CEP128: variants seen among roughly 807,000 people sequenced by gnomAD.
CEP128 encodes the protein centrosomal protein 128kDa.
CEP128 carries 132 observed loss-of-function variants against 156.7 expected under a neutral mutation model. The ratio of observed to expected loss-of-function variants is 0.84; its 90% CI spans 0.73 to 0.97. CEP128 has a LOEUF of 0.97. Among genes scored for constraint, CEP128 ranks in the 50% least tolerant of loss-of-function variants. The probability of loss-of-function intolerance (pLI) is 0.00; values close to 1 mark genes in which losing one functional copy is unlikely to be tolerated. For synonymous variants in CEP128, 469 were observed against 448.9 expected, an observed-to-expected ratio of 1.04 and a Z score of -0.57; for missense variants, 1,252 against 1,281.9, an observed-to-expected ratio of 0.98 and a Z score of 0.36.
At chr14:80,675,723 G>T (rs1451500075) in intron 19 of CEP128, among the ~76,000 whole-genome samples, 1 of 152,052 alleles carries the variant, frequency 6.6e-6, no homozygotes, top group African/African-American at 2.4e-5. Context: ...TTGATGAACA[G>T]AAATATTTAA....
intron 21 of CEP128, among the ~76,000 whole-genome samples, chr14:80,545,019 T>C (rs1304653068): frequency 6.6e-6 from 1 of 152,224 alleles, no homozygotes; most frequent in Admixed American, 6.5e-5. Flanking sequence ...TTGACCCTGA[T>C]AGTAGACTGA....
intron 19 of CEP128, among the ~76,000 whole-genome samples, chr14:80,640,115 A>G (rs1242476805): frequency 6.6e-6 from 1 of 152,160 alleles, no homozygotes; most frequent in Non-Finnish European, 1.5e-5. Context: ...AATGTGAAAG[A>G]TCTCTCTGTG....
intron 19 of CEP128, among the ~76,000 whole-genome samples, chr14:80,632,866 G>T (rs1894019683): frequency 1.3e-5 from 2 of 152,078 alleles, no homozygotes; most frequent in Non-Finnish European, 2.9e-5. Context: ...TCATGCACCA[G>T]TTTATAAATA....
intron 19 of CEP128, among the ~76,000 whole-genome samples, chr14:80,698,691 C>T (rs549887996): frequency 5.3e-5 from 8 of 151,952 alleles, no homozygotes; most frequent in African/African-American, 1.2e-4. Context: ...TTTTCTGTGG[C>T]GCATATGGGA....
intron 19 of CEP128, among the ~76,000 whole-genome samples, chr14:80,657,933 G>T (rs1895243270): frequency 6.6e-6 from 1 of 151,982 alleles, no homozygotes; most frequent in African/African-American, 2.4e-5. Context: ...TTTTTTGAAG[G>T]CAAGAACTCT....
At chr14:80,926,411 G>A (rs2139560520) in intron 2 of CEP128, among the ~76,000 whole-genome samples, 1 of 152,232 alleles carries the variant, frequency 6.6e-6, no homozygotes, top group African/African-American at 2.4e-5. Context: ...GGATTCTTCT[G>A]TGCAGCAGAC....
intron 13 of CEP128, among the ~76,000 whole-genome samples, chr14:80,815,269 C>A (rs1051212105): frequency 6.6e-6 from 1 of 152,086 alleles, no homozygotes; most frequent in South Asian, 2.1e-4. Context: ...CAAGAACAAT[C>A]ATTTTTCAAA....
intron 21 of CEP128, among the ~76,000 whole-genome samples, chr14:80,546,212 C>A (rs1391635281): frequency 6.6e-6 from 1 of 152,174 alleles, no homozygotes; most frequent in Admixed American, 6.5e-5. Flanking sequence ...TAGAAAAGGA[C>A]TTTCCCATCC....
chr14:80,829,466 A>G (rs1885664976), intron 13 of CEP128, among the ~76,000 whole-genome samples: 1 of 152,164 alleles, frequency 6.6e-6, no homozygotes, highest in Non-Finnish European at 1.5e-5. Flanking sequence ...GCTGGAGTGC[A>G]GTGGCACAAT....
chr14:80,631,867 A>G (rs1020537158), intron 19 of CEP128, among the ~76,000 whole-genome samples: 2 of 152,088 alleles, frequency 1.3e-5, no homozygotes, highest in Non-Finnish European at 2.9e-5. Context: ...TTTATTTTCA[A>G]TAGTTAGAAT....
chr14:80,520,142 G>C (rs1021508080), intron 23 of CEP128, among the ~76,000 whole-genome samples: 13 of 152,332 alleles, frequency 8.5e-5, no homozygotes, highest in African/African-American at 3.1e-4. Flanking sequence ...AAGCAGGCCA[G>C]ACTCAGTGGC....
intron 1 of CEP128, among the ~76,000 whole-genome samples, chr14:80,941,307 T>C (rs1302769932): frequency 6.6e-6 from 1 of 152,170 alleles, no homozygotes; most frequent in East Asian, 1.9e-4. Flanking sequence ...TAGAGCAAGC[T>C]GCTCCCAAAG....
At position 80,530,807 on chromosome 14, in the gene CEP128, A is replaced by C. The variant is rs761687717; in HGVS notation, c.2958+2T>G. On this transcript the variant is annotated splice_donor_variant, in intron 22 of 24. Transcript: ENST00000555265. LOFTEE classifies it high-confidence loss of function. ...GAAAGAGACAAGCCAACTCTTTCTC[A>C]CTCTGAAGTCTTTGAAATCTTCTAG... 5 of 1,598,486 alleles carry C rather than the reference A, an allele frequency of 3.1e-6. No individual in the cohort carries two copies. The highest frequency in any genetic ancestry group is 1.7e-5 in the Admixed American group (1 of 58,838).
chr14:80,699,993 G>A (rs1357806147), intron 19 of CEP128, among the ~76,000 whole-genome samples: 1 of 152,168 alleles, frequency 6.6e-6, no homozygotes, highest in African/African-American at 2.4e-5. Context: ...GGACAGGTAG[G>A]TGCTTCTAAG....
rs900499095 is a variant in CEP128, at chr14:80,557,927, T to C, written c.2880+1352A>G. ...CCTTTTTAAATGTAAAATATGCACATTTAATATTTTTATCACTCTTTATAT... is the reference window on the plus strand; with the variant it reads ...CCTTTTTAAATGTAAAATATGCACACTTAATATTTTTATCACTCTTTATAT... On this transcript the variant is annotated intron_variant, in intron 21 of 24. Coordinates refer to ENST00000555265, the MANE Select transcript of CEP128 (RefSeq NM_152446.5). Among the ~76,000 whole-genome samples the C allele has an allele frequency of 2.0e-5, 3 of 152,282 alleles. No individual in the cohort carries two copies. The South Asian group carries it at 6.2e-4, about 32-fold the overall frequency.
intron 19 of CEP128, among the ~76,000 whole-genome samples, chr14:80,595,634 A>G (rs1402682713): frequency 2.0e-5 from 3 of 152,244 alleles, no homozygotes; most frequent in Admixed American, 2.0e-4. Context: ...AAAACACATG[A>G]TAAATCAAAA....
At chr14:80,640,971 C>T (rs1414206958) in intron 19 of CEP128, among the ~76,000 whole-genome samples, 1 of 152,308 alleles carries the variant, frequency 6.6e-6, no homozygotes. Flanking sequence ...TTAATTAATG[C>T]ATTTACATTC....
chr14:80,906,190 A>C (rs903568076), intron 4 of CEP128, 109 bp from the exon 5 acceptor site: 50 of 752,004 alleles, frequency 6.6e-5, no homozygotes, highest in Non-Finnish European at 8.5e-5. Context: ...GGTTCCCCCC[A>C]AAAAAAGGTA....
chr14:80,811,868 C>G (rs1272360789), intron 13 of CEP128, among the ~76,000 whole-genome samples: 1 of 78,978 alleles, frequency 1.3e-5, no homozygotes, highest in Non-Finnish European at 2.7e-5. Flanking sequence ...CTTTGGTACC[C>G]TGCATAAAGC....
Sources: gnomAD v4.1 joint callset for allele counts (sites outside exome capture counted in the v4.1 genomes callset) on GRCh38, gnomAD v4.1.1 for gene constraint, MANE v1.5 for transcripts, NCBI Gene and HGNC (gene_info 2026-07-23, HGNC 2026-07-21) for gene names.